Variants in NCAM2 observed in about 807,000 individuals in gnomAD.
NCAM2 encodes the protein neural cell adhesion molecule 2, also known as N-CAM-2.
A neutral mutation model predicts 98.1 loss-of-function variants in NCAM2; 30 were observed. The ratio of observed to expected loss-of-function variants is 0.31; its 90% CI spans 0.23 to 0.41. The LOEUF (loss-of-function observed/expected upper bound fraction) is 0.41. Among genes scored for constraint, NCAM2 ranks in the 10% least tolerant of loss-of-function variants. NCAM2 has a pLI of 1.00. For missense variants in NCAM2, 867 were observed against 1,005.8 expected (o/e 0.86, Z 1.87); for synonymous variants, 368 against 342.4 (o/e 1.07, Z -0.83).
Position 21,290,805 on chromosome 21 carries a change from C to T in NCAM2, c.482-1299C>T, listed in dbSNP as rs550379668. Among the ~76,000 whole-genome samples the T allele has an allele frequency of 2.0e-5, 3 of 151,974 alleles. No individual in the cohort carries two copies. In the South Asian group the frequency reaches 6.2e-4, roughly 32 times the overall value. Reference sequence around the variant, plus strand: ...TATTTCTAGCCCCGACTTCTCCCCTCTCATTAAGGAACGGCTATGACAAAT... The same window carrying T: ...TATTTCTAGCCCCGACTTCTCCCCTTTCATTAAGGAACGGCTATGACAAAT... On this transcript the variant is annotated intron_variant, in intron 4 of 17. Transcript: ENST00000400546.
chr21:21,263,571 A>G (rs62209216), intron 1 of NCAM2, among the ~76,000 whole-genome samples: 6,985 of 152,204 alleles, frequency 0.046, 288 homozygotes, highest in East Asian at 0.19. Flanking sequence ...AGCAAAAACA[A>G]CAGAGCCAAA....
intron 1 of NCAM2, among the ~76,000 whole-genome samples, chr21:21,031,853 A>G (rs749350637): frequency 1.3e-5 from 2 of 151,938 alleles, no homozygotes; most frequent in African/African-American, 4.8e-5. Context: ...TGCTTGTGCA[A>G]TGTCTTTATT....
intron 1 of NCAM2, among the ~76,000 whole-genome samples, chr21:21,036,125 A>G (rs1310488517): frequency 6.6e-6 from 1 of 152,192 alleles, no homozygotes; most frequent in Non-Finnish European, 1.5e-5. Context: ...TTAGAATTTG[A>G]AACTTGATTT....
At chr21:21,219,234 T>C (rs889143073) in intron 1 of NCAM2, among the ~76,000 whole-genome samples, 10 of 152,230 alleles carry the variant, frequency 6.6e-5, no homozygotes, top group African/African-American at 2.4e-4. Context: ...ACATTTCTTC[T>C]GATGTGGCCC....
At chr21:21,332,890 T>G (rs2074754827) in intron 6 of NCAM2, among the ~76,000 whole-genome samples, 1 of 152,208 alleles carries the variant, frequency 6.6e-6, no homozygotes. Flanking sequence ...CCAGTGTTTT[T>G]GTTGTTTAAA....
intron 16 of NCAM2, among the ~76,000 whole-genome samples, chr21:21,531,050 T>A (rs767877917): frequency 6.6e-6 from 1 of 152,164 alleles, no homozygotes; most frequent in African/African-American, 2.4e-5. Flanking sequence ...TCTATTTAGG[T>A]TGAGTCTGAG....
chr21:21,303,533 T>C (rs2073789525), intron 5 of NCAM2, among the ~76,000 whole-genome samples: 1 of 152,124 alleles, frequency 6.6e-6, no homozygotes, highest in South Asian at 2.1e-4. Flanking sequence ...AAATGGCTTT[T>C]GGGAAGTTTC....
intron 10 of NCAM2, among the ~76,000 whole-genome samples, chr21:21,416,494 G>GA (rs548650184): frequency 0.066 from 8,719 of 132,656 alleles, 301 homozygotes; most frequent in East Asian, 0.15. Context: ...TTCAATTTGT[G>GA]AAAAAAAAAA....
intron 1 of NCAM2, among the ~76,000 whole-genome samples, chr21:21,101,606 C>T (rs905689729): frequency 2.6e-5 from 4 of 151,774 alleles, no homozygotes; most frequent in African/African-American, 9.7e-5. Context: ...GCACAGTGGC[C>T]GTACAGATAA....
At chr21:21,407,253 CA>C (rs2076758610) in intron 9 of NCAM2, among the ~76,000 whole-genome samples, 1 of 152,204 alleles carries the variant, frequency 6.6e-6, no homozygotes, top group South Asian at 2.1e-4. Flanking sequence ...TTGATATTTA[CA>C]AAGCATATCC....
At chr21:21,176,906 A>G (rs2068309590) in intron 1 of NCAM2, among the ~76,000 whole-genome samples, 1 of 151,924 alleles carries the variant, frequency 6.6e-6, no homozygotes, top group Non-Finnish European at 1.5e-5. Context: ...AAAACAACAA[A>G]GGCTGGAAGT....
At chr21:21,397,468 G>A (rs562141552) in intron 9 of NCAM2, among the ~76,000 whole-genome samples, 110 of 152,270 alleles carry the variant, frequency 7.2e-4, no homozygotes, top group Non-Finnish European at 1.1e-3. Context: ...ATGTCCAGAG[G>A]GGGTTGAGGT....
chr21:21,290,145 A>G (rs1482915117), intron 4 of NCAM2: 1 of 151,924 alleles, frequency 6.6e-6, no homozygotes, highest in Non-Finnish European at 1.5e-5. Context: ...CAGGTGATAA[A>G]TTTCAGGTGG....
At chr21:21,509,195 C>A in intron 16 of NCAM2, 140 bp downstream of exon 16, 1 of 693,300 alleles carries the variant, frequency 1.4e-6, no homozygotes, top group Non-Finnish European at 2.4e-6. Context: ...ACTGCCTGCT[C>A]TCTGACCTTG....
chr21:21,366,630 A>G (rs185159405), intron 8 of NCAM2, among the ~76,000 whole-genome samples: 16 of 152,154 alleles, frequency 1.1e-4, no homozygotes, highest in Admixed American at 9.9e-4. Flanking sequence ...TCTGCTCCAC[A>G]TATTCTCTTA....
At chr21:21,209,888 C>T (rs2069582642) in intron 1 of NCAM2, among the ~76,000 whole-genome samples, 1 of 152,116 alleles carries the variant, frequency 6.6e-6, no homozygotes, top group South Asian at 2.1e-4. Context: ...AAGACAGTAA[C>T]ATGGCATTAT....
intron 5 of NCAM2, among the ~76,000 whole-genome samples, chr21:21,310,167 C>A (rs931207212): frequency 1.3e-5 from 2 of 152,106 alleles, no homozygotes; most frequent in African/African-American, 4.8e-5. Context: ...CACTTTCTTC[C>A]TACTTTATCC....
intron 1 of NCAM2, among the ~76,000 whole-genome samples, chr21:21,040,423 C>G (rs186199192): frequency 3.4e-4 from 52 of 152,122 alleles, no homozygotes; most frequent in Admixed American, 4.6e-4. Flanking sequence ...ATATATATAT[C>G]TTTTCCAGTC....
intron 9 of NCAM2, among the ~76,000 whole-genome samples, chr21:21,401,607 C>A (rs2145874407): frequency 6.6e-6 from 1 of 152,264 alleles, no homozygotes; most frequent in East Asian, 1.9e-4. Context: ...TAACATCCTC[C>A]AGATTCATTC....
Sources: gnomAD v4.1 joint callset for allele counts (sites outside exome capture counted in the v4.1 genomes callset) on GRCh38, gnomAD v4.1.1 for gene constraint, MANE v1.5 for transcripts, NCBI Gene and HGNC (gene_info 2026-07-23, HGNC 2026-07-21) for gene names.